Variants in RIN2 observed in about 807,000 individuals in gnomAD.
RIN2 encodes the protein Ras and Rab interactor 2.
A neutral mutation model predicts 78.0 loss-of-function variants in RIN2; 36 were observed. The observed-to-expected ratio is 0.46, with a 90% CI of 0.35 to 0.61. The LOEUF is 0.61. Among genes scored for constraint, RIN2 ranks in the 20% least tolerant of loss-of-function variants. The pLI, the probability that RIN2 is intolerant of heterozygous loss-of-function variation, is 0.00. For missense variants in RIN2, 1,087 were observed against 1,159.7 expected (o/e 0.94, Z 0.91); for synonymous variants, 466 against 466.8 (o/e 1.00, Z 0.02).
chr20:19,824,317 G>C (rs2036019953), intron 2 of RIN2, among the ~76,000 whole-genome samples: 1 of 152,068 alleles, frequency 6.6e-6, no homozygotes, highest in Non-Finnish European at 1.5e-5. Flanking sequence ...TGGGCTTAGG[G>C]GTTTATTTTA....
intron 1 of RIN2, among the ~76,000 whole-genome samples, chr20:19,776,645 T>C (rs951712215): frequency 2.0e-5 from 3 of 151,874 alleles, no homozygotes; most frequent in African/African-American, 4.8e-5. Context: ...GGTGGAAGAA[T>C]TGCTTGAACC....
At chr20:19,783,579 G>A (rs73291550) in intron 1 of RIN2, among the ~76,000 whole-genome samples, 2,678 of 151,886 alleles carry the variant, frequency 0.018, 74 homozygotes, top group African/African-American at 0.061. Context: ...AATTCCTCCC[G>A]AAGCCGGCTC....
chr20:19,936,620 G>A (rs926869462), intron 4 of RIN2, among the ~76,000 whole-genome samples: 1 of 152,178 alleles, frequency 6.6e-6, no homozygotes, highest in African/African-American at 2.4e-5. Flanking sequence ...AGGGGATTTT[G>A]GGGGTGTGAG....
At chr20:19,811,317 G>A (rs868309029) in intron 2 of RIN2, among the ~76,000 whole-genome samples, 2 of 152,248 alleles carry the variant, frequency 1.3e-5, no homozygotes, top group African/African-American at 4.8e-5. Flanking sequence ...CCTCACCTGC[G>A]AGTGGTTTTA....
At chr20:19,918,161 G>C (rs892974208) in intron 3 of RIN2, among the ~76,000 whole-genome samples, 2 of 152,104 alleles carry the variant, frequency 1.3e-5, no homozygotes, top group African/African-American at 4.8e-5. Context: ...TGGGACAGCT[G>C]GGGGGACACC....
At chr20:19,980,282 G>A (rs907387205) in intron 9 of RIN2, among the ~76,000 whole-genome samples, 12 of 152,246 alleles carry the variant, frequency 7.9e-5, no homozygotes, top group Admixed American at 5.9e-4. Flanking sequence ...AGAAGACCAC[G>A]ACAAGAAGCA....
At chr20:19,822,026 C>T (rs1240636578) in intron 2 of RIN2, among the ~76,000 whole-genome samples, 4 of 152,230 alleles carry the variant, frequency 2.6e-5, no homozygotes, top group Non-Finnish European at 2.9e-5. Flanking sequence ...CAGAGTTAAA[C>T]GTGGCTCATT....
intron 2 of RIN2, among the ~76,000 whole-genome samples, chr20:19,858,094 A>C (rs897402147): frequency 6.6e-6 from 1 of 151,674 alleles, no homozygotes; most frequent in African/African-American, 2.4e-5. Context: ...AATGAGGTCC[A>C]ACTCATCCCT....
intron 2 of RIN2, among the ~76,000 whole-genome samples, chr20:19,847,142 C>T (rs2036811424): frequency 6.6e-6 from 1 of 152,204 alleles, no homozygotes; most frequent in South Asian, 2.1e-4. Flanking sequence ...GATAATGGCA[C>T]AGCTGAGTTG....
At chr20:19,889,874 C>T (rs1367020495) in intron 3 of RIN2, among the ~76,000 whole-genome samples, 3 of 152,088 alleles carry the variant, frequency 2.0e-5, no homozygotes, top group African/African-American at 4.8e-5. Flanking sequence ...GACTCGGGCA[C>T]GGAGAGGGGC....
intron 3 of RIN2, among the ~76,000 whole-genome samples, chr20:19,924,047 CCCCCACCTTCCATA>C (rs2040048691): frequency 9.4e-6 from 1 of 106,618 alleles, no homozygotes; most frequent in South Asian, 4.3e-4. Flanking sequence ...ACCTTCCTTA[CCCCCACCTTCCATA>C]CCCCACTTTC....
intron 1 of RIN2, among the ~76,000 whole-genome samples, chr20:19,766,727 C>T (rs2033900146): frequency 6.6e-6 from 1 of 152,000 alleles, no homozygotes; most frequent in Admixed American, 6.6e-5. Flanking sequence ...TCAAGACCAC[C>T]CTGGCCAATA....
At position 19,908,502 on chromosome 20, in the gene RIN2, AAAAG is replaced by A. The variant is rs566561996; in HGVS notation, c.57+18858_57+18861del. On this transcript the variant is annotated intron_variant, in intron 3 of 12. Coordinates refer to ENST00000255006, the MANE Select transcript of RIN2 (RefSeq NM_018993.4). ...CGAGACTCCGTCTCAAAAAAAAAAAAAAAGAAAGAAAGAAAGAGTTTGGACATCA... is the reference window on the plus strand; with the variant it reads ...CGAGACTCCGTCTCAAAAAAAAAAAAAAAGAAAGAAAGAGTTTGGACATCA... Among the ~76,000 whole-genome samples the A allele has an allele frequency of 8.5e-3, 1,285 of 151,216 alleles. 8 individuals carry two copies. The highest frequency in any genetic ancestry group is 0.014 in the Non-Finnish European group (946 of 67,888).
chr20:19,956,975 G>A (rs2041570573), intron 5 of RIN2, among the ~76,000 whole-genome samples, 168 bp downstream of exon 5: 1 of 152,242 alleles, frequency 6.6e-6, no homozygotes, highest in South Asian at 2.1e-4. Flanking sequence ...CCCAGGAACA[G>A]AGCCCTTCAC....
chr20:19,770,947 G>A (rs1345822877), intron 1 of RIN2, among the ~76,000 whole-genome samples: 1 of 150,616 alleles, frequency 6.6e-6, no homozygotes, highest in Non-Finnish European at 1.5e-5. Flanking sequence ...GGCATCAAGT[G>A]GGGGTTCCCA....
At chr20:19,985,473 AC>A (rs2146364158) in intron 9 of RIN2, among the ~76,000 whole-genome samples, 2 of 152,294 alleles carry the variant, frequency 1.3e-5, no homozygotes, top group South Asian at 4.1e-4. Flanking sequence ...TTTTCAGAAA[AC>A]TTGTTTCCAG....
At chr20:19,963,919 A>C (rs2041851632) in intron 6 of RIN2, among the ~76,000 whole-genome samples, 1 of 131,962 alleles carries the variant, frequency 7.6e-6, no homozygotes, top group Non-Finnish European at 1.5e-5. Context: ...GCTAGAGTGC[A>C]GTGGCTCTAT....
At chr20:19,798,485 T>C (rs1252320383) in intron 1 of RIN2, among the ~76,000 whole-genome samples, 1 of 151,886 alleles carries the variant, frequency 6.6e-6, no homozygotes, top group African/African-American at 2.4e-5. Flanking sequence ...CTATGAAGTA[T>C]TAGGAAAGCA....
At chr20:19,918,265 G>A (rs908252171) in intron 3 of RIN2, among the ~76,000 whole-genome samples, 1 of 152,020 alleles carries the variant, frequency 6.6e-6, no homozygotes, top group Non-Finnish European at 1.5e-5. Context: ...TCCCACCCAA[G>A]GCCAAGGTCC....
Sources: allele counts gnomAD v4.1 joint callset (sites outside exome capture counted in the v4.1 genomes callset), GRCh38; gene constraint gnomAD v4.1.1; transcripts MANE v1.5; gene names NCBI Gene and HGNC (gene_info 2026-07-23, HGNC 2026-07-21).